Variants in AP1AR observed in about 807,000 individuals in gnomAD.
AP1AR encodes AP-1 complex-associated regulatory protein.
A neutral mutation model predicts 46.3 loss-of-function variants in AP1AR; 29 were observed. That is an observed-to-expected ratio of 0.63 (90% CI 0.47 to 0.85). The LOEUF is 0.85. AP1AR is among the 40% of genes least tolerant of loss of function. The pLI, the probability that AP1AR is intolerant of heterozygous loss-of-function variation, is 0.00. For missense variants in AP1AR, 357 were observed against 356.3 expected, an observed-to-expected ratio of 1.00 and a Z score of -0.02; for synonymous variants, 122 against 122.9, an observed-to-expected ratio of 0.99 and a Z score of 0.05.
At chr4:112,241,673 G>A (rs1725504512) in intron 1 of AP1AR, among the ~76,000 whole-genome samples, 1 of 152,102 alleles carries the variant, frequency 6.6e-6, no homozygotes, top group Non-Finnish European at 1.5e-5. Flanking sequence ...CAGATATCTG[G>A]GCATCTGGTG....
chr4:112,269,157 T>C lies in AP1AR; in HGVS notation c.*748T>C, dbSNP rs893409257. 6.6e-6 allele frequency: 1 copy of C among 151,746 alleles called. No homozygotes were observed. The highest frequency in any genetic ancestry group is 6.6e-5 in the Admixed American group (1 of 15,192). The allele number at this position is 151,746 out of a possible 1,614,324, so 9.4% of individuals were successfully genotyped here. A position where few individuals can be genotyped will look rare whatever the true frequency, so the allele number is the denominator to read the frequency against. Reference sequence around the variant, plus strand: ...TTACATGCCACTATATTGACTTTAATTGATATACAGTATTAAGTTTTTAGG... The same window carrying C: ...TTACATGCCACTATATTGACTTTAACTGATATACAGTATTAAGTTTTTAGG... On this transcript the variant is annotated 3_prime_UTR_variant, in exon 10 of 10. Transcript: ENST00000274000.
At position 112,269,649 on chromosome 4, in the gene AP1AR, A is replaced by G. The variant is rs908540594; in HGVS notation, c.*1240A>G. On this transcript the variant is annotated 3_prime_UTR_variant, in exon 10 of 10. Transcript: ENST00000274000. The stretch of plus-strand genomic sequence containing the variant: ...AAGGTCCAGATATAAATAGTAACCT[A>G]AAGTTCTTGCTGTGCTTAAAAAAAA... The G allele has an allele frequency of 2.0e-5, 3 of 152,304 alleles. No individual in the cohort carries two copies. The highest frequency in any genetic ancestry group is 4.4e-5 in the Non-Finnish European group (3 of 67,888). The allele number at this position is 152,304 out of a possible 1,614,324, so 9.4% of individuals were successfully genotyped here.
intron 5 of AP1AR, among the ~76,000 whole-genome samples, chr4:112,262,370 A>T (rs549389171): frequency 5.9e-5 from 9 of 152,376 alleles, no homozygotes; most frequent in African/African-American, 2.2e-4. Context: ...GCTATACAGT[A>T]GCTGTTAATA....
chr4:112,256,193 C>A (rs1182662351), intron 3 of AP1AR, among the ~76,000 whole-genome samples: 1 of 152,138 alleles, frequency 6.6e-6, no homozygotes, highest in Admixed American at 6.5e-5. Flanking sequence ...GGGTAAAAAT[C>A]CTTTTTTAAA....
At chr4:112,239,138 CT>C (rs1725375878) in intron 1 of AP1AR, among the ~76,000 whole-genome samples, 1 of 152,124 alleles carries the variant, frequency 6.6e-6, no homozygotes, top group African/African-American at 2.4e-5. Flanking sequence ...TTCTACCCTC[CT>C]GATACGCCCT....
intron 7 of AP1AR, 66 bp downstream of exon 7, chr4:112,265,133 A>C: frequency 7.9e-7 from 1 of 1,263,670 alleles, no homozygotes; most frequent in Non-Finnish European, 1.1e-6. Context: ...GTAGAGCATC[A>C]TTCACCTCAA....
intron 1 of AP1AR, among the ~76,000 whole-genome samples, chr4:112,249,761 G>T (rs916732380): frequency 6.6e-6 from 1 of 152,078 alleles, no homozygotes. Context: ...GCCAGTCAGC[G>T]TGGCCATTAC....
At chr4:112,265,868 T>C in intron 8 of AP1AR, 61 bp downstream of exon 8, 1 of 1,081,958 alleles carries the variant, frequency 9.2e-7, no homozygotes, top group Admixed American at 2.4e-5. Context: ...AAGTAGAGAT[T>C]CTGGCTCTGT....
rs993758229 is a variant in AP1AR, at chr4:112,270,954, A to G, written c.*2545A>G. 1.3e-5 allele frequency among the ~76,000 whole-genome samples: 2 copies of G among 152,226 alleles called. No individual in the cohort carries two copies. Among genetic ancestry groups the G allele is most frequent in the Admixed American group, 6.5e-5 (1 of 15,280 alleles). ...CAAGAGTGGATATATAGCACTCCCA[A>G]TGGAATATAGTGTGCCTTGGGTTTA... On this transcript the variant is annotated 3_prime_UTR_variant, in exon 10 of 10. Coordinates refer to ENST00000274000, the MANE Select transcript of AP1AR (RefSeq NM_018569.6).
intron 1 of AP1AR, among the ~76,000 whole-genome samples, chr4:112,238,335 G>T (rs1467092873): frequency 6.6e-6 from 1 of 151,950 alleles, no homozygotes; most frequent in African/African-American, 2.4e-5. Context: ...CCTAACTTTG[G>T]CAAAAACACC....
Position 112,265,747 on chromosome 4 carries a change from G to A in AP1AR, c.454G>A (p.Asp152Asn). 1 of 1,609,566 alleles carries A rather than the reference G, an allele frequency of 6.2e-7. No homozygotes were observed. The highest frequency in any genetic ancestry group is 1.1e-5 in the South Asian group (1 of 90,694). Residue 152 changes from aspartate to asparagine, a missense_variant, in exon 8 of 10, where the codon GAT (aspartate) becomes AAT (asparagine). Physicochemically the swap from Asp to Asn is conservative, Grantham distance 23. Coordinates refer to ENST00000274000, the MANE Select transcript of AP1AR (RefSeq NM_018569.6). ...CTTTTATTACAGTTCAGGACCAGAA[G>A]ATGACTTCGAATCTTGTTTGAGAAA... is the stretch of plus-strand genomic sequence containing the variant. ...NGEYQSSGPE[D>N]DFESCLRNMK...
chr4:112,265,869 C>T, intron 8 of AP1AR, 62 bp downstream of exon 8: 1 of 1,079,190 alleles, frequency 9.3e-7, no homozygotes, highest in South Asian at 1.5e-5. Context: ...AGTAGAGATT[C>T]TGGCTCTGTT....
intron 1 of AP1AR, among the ~76,000 whole-genome samples, chr4:112,250,546 A>T (rs1356559112): frequency 2.0e-5 from 3 of 152,208 alleles, no homozygotes; most frequent in Non-Finnish European, 4.4e-5. Context: ...TAATGTTTGA[A>T]CAAGTAAACA....
chr4:112,246,669 T>C (rs1201538224), intron 1 of AP1AR, among the ~76,000 whole-genome samples: 1 of 152,208 alleles, frequency 6.6e-6, no homozygotes, highest in East Asian at 1.9e-4. Context: ...ATAGTACTTG[T>C]GTCTAGGTAA....
rs1180867187 is a variant in AP1AR at position 112,269,564 on chromosome 4, A to C, written c.*1155A>C. ...GCAAACTGTTTTTTGGTTTTTCCTT[A>C]ATGTTTTTAATTTTTTTTCCTCTTG... On this transcript the variant is annotated 3_prime_UTR_variant, in exon 10 of 10. Coordinates refer to ENST00000274000, the MANE Select transcript of AP1AR (RefSeq NM_018569.6). 6.6e-6 allele frequency: 1 copy of C among 152,328 alleles called. No homozygotes were observed. The highest frequency in any genetic ancestry group is 1.5e-5 in the Non-Finnish European group (1 of 67,902). The allele number at this position is 152,328 out of a possible 1,614,324, so 9.4% of individuals were successfully genotyped here.
Position 112,256,314 on chromosome 4 carries a change from G to A in AP1AR, c.160-1458G>A, listed in dbSNP as rs375897410. 1.2e-4 allele frequency among the ~76,000 whole-genome samples: 19 copies of A among 152,052 alleles called. No individual in the cohort carries two copies. The East Asian group carries it at 1.9e-3, about 15-fold the overall frequency. On this transcript the variant is annotated intron_variant, in intron 3 of 9. Coordinates refer to ENST00000274000, the MANE Select transcript of AP1AR (RefSeq NM_018569.6). The stretch of plus-strand genomic sequence containing the variant: ...TCATAGAACTTACTTCTTTCCCTTC[G>A]CAGAGGTCACTTTTGTCTTCATGTC...
chr4:112,250,766 C>A (rs1725925998), intron 1 of AP1AR, among the ~76,000 whole-genome samples: 1 of 152,154 alleles, frequency 6.6e-6, no homozygotes, highest in African/African-American at 2.4e-5. Context: ...AAGTCTCAAT[C>A]TAATCCATTT....
intron 6 of AP1AR, among the ~76,000 whole-genome samples, chr4:112,263,534 T>C (rs145460559): frequency 4.6e-5 from 7 of 152,232 alleles, no homozygotes; most frequent in Admixed American, 2.0e-4. Flanking sequence ...TAAACTGTGC[T>C]ATTTTCCCCA....
At chr4:112,246,918 CT>C (rs138299771) in intron 1 of AP1AR, among the ~76,000 whole-genome samples, 8,275 of 152,270 alleles carry the variant, frequency 0.054, 256 homozygotes, top group Middle Eastern at 0.1. Context: ...TTTTACACAT[CT>C]TTTTTAAAAA....
Sources: allele counts gnomAD v4.1 joint callset (sites outside exome capture counted in the v4.1 genomes callset), GRCh38; gene constraint gnomAD v4.1.1; transcripts MANE v1.5; gene names NCBI Gene and HGNC (gene_info 2026-07-23, HGNC 2026-07-21).